MOXD1: variants seen among roughly 807,000 people sequenced by gnomAD.
MOXD1 encodes the protein DBH-like monooxygenase protein 1.
Under a neutral mutation model 66.6 loss-of-function variants are expected in MOXD1, and 62 were observed. That is an observed-to-expected ratio of 0.93 (90% CI 0.76 to 1.15). MOXD1 has a LOEUF of 1.15. MOXD1 is among the 50% of genes most tolerant of loss of function. The pLI, the probability that MOXD1 is intolerant of heterozygous loss-of-function variation, is 0.00. For synonymous variants in MOXD1, 303 were observed against 281.9 expected (o/e 1.07, Z -0.75); for missense variants, 847 against 754.6 (o/e 1.12, Z -1.44).
intron 10 of MOXD1, among the ~76,000 whole-genome samples, chr6:132,303,736 T>C (rs1395712680): frequency 1.5e-5 from 1 of 65,388 alleles, no homozygotes; most frequent in East Asian, 7.4e-4. Flanking sequence ...CACACACACA[T>C]TTATTTATAC....
intron 1 of MOXD1, among the ~76,000 whole-genome samples, chr6:132,394,741 A>G (rs1023915847): frequency 6.6e-6 from 1 of 152,174 alleles, no homozygotes; most frequent in African/African-American, 2.4e-5. Context: ...ACTTGAAGAG[A>G]GGTATTTTGA....
intron 8 of MOXD1, among the ~76,000 whole-genome samples, chr6:132,321,196 G>A (rs1285033643): frequency 1.3e-5 from 2 of 151,988 alleles, no homozygotes; most frequent in Non-Finnish European, 2.9e-5. Flanking sequence ...CCCAGGAGGT[G>A]GAGGTTGCAG....
intron 8 of MOXD1, among the ~76,000 whole-genome samples, chr6:132,322,273 T>A (rs1391290763): frequency 6.6e-6 from 1 of 152,208 alleles, no homozygotes; most frequent in Non-Finnish European, 1.5e-5. Context: ...CATTCCTTTT[T>A]ACTAAAATGA....
intron 10 of MOXD1, among the ~76,000 whole-genome samples, chr6:132,305,754 G>T (rs1774673735): frequency 6.6e-6 from 1 of 152,146 alleles, no homozygotes; most frequent in South Asian, 2.1e-4. Context: ...AAGTGCAGCA[G>T]CCCTACAGAA....
intron 4 of MOXD1, among the ~76,000 whole-genome samples, chr6:132,367,178 A>G (rs529773569): frequency 1.3e-5 from 2 of 152,132 alleles, no homozygotes; most frequent in East Asian, 3.9e-4. Flanking sequence ...AAATGAAGTG[A>G]TGGACAAACT....
At chr6:132,339,422 C>T (rs1017059221) in intron 4 of MOXD1, among the ~76,000 whole-genome samples, 4 of 152,276 alleles carry the variant, frequency 2.6e-5, no homozygotes, top group African/African-American at 9.6e-5. Flanking sequence ...ATGTGCTCTT[C>T]GTTAGGTGCT....
At chr6:132,374,433 A>C (rs1390257081) in intron 2 of MOXD1, among the ~76,000 whole-genome samples, 198 bp downstream of exon 2, 1 of 152,130 alleles carries the variant, frequency 6.6e-6, no homozygotes, top group African/African-American at 2.4e-5. Flanking sequence ...GATTTTATTG[A>C]AATTTTTGGT....
chr6:132,317,215 A>C (rs1774978542), intron 9 of MOXD1, among the ~76,000 whole-genome samples: 1 of 152,158 alleles, frequency 6.6e-6, no homozygotes, highest in South Asian at 2.1e-4. Context: ...TTCGAAAACA[A>C]AGGTGAAAAA....
chr6:132,349,729 A>G (rs1469927178), intron 4 of MOXD1, among the ~76,000 whole-genome samples: 1 of 151,860 alleles, frequency 6.6e-6, no homozygotes, highest in African/African-American at 2.4e-5. Context: ...ACTAGTTTAC[A>G]TTCCCACCAG....
chr6:132,359,493 T>TC (rs1775971278), intron 4 of MOXD1, among the ~76,000 whole-genome samples: 2 of 148,826 alleles, frequency 1.3e-5, no homozygotes, highest in East Asian at 1.9e-4. Flanking sequence ...TTTTTCTTTT[T>TC]TTTTTTTTTT....
intron 4 of MOXD1, among the ~76,000 whole-genome samples, chr6:132,333,062 C>A (rs1475070022): frequency 2.0e-5 from 3 of 152,106 alleles, no homozygotes; most frequent in African/African-American, 4.8e-5. Flanking sequence ...CTGGGCCGGG[C>A]GCTGTGGCTC....
chr6:132,347,660 G>C (rs1275036111), intron 4 of MOXD1, among the ~76,000 whole-genome samples: 2 of 142,872 alleles, frequency 1.4e-5, no homozygotes, highest in African/African-American at 2.7e-5. Context: ...CTGTGCGACA[G>C]AGTGTGATCC....
chr6:132,309,674 T>A (rs1774779557), intron 10 of MOXD1, among the ~76,000 whole-genome samples: 1 of 151,958 alleles, frequency 6.6e-6, no homozygotes, highest in African/African-American at 2.4e-5. Flanking sequence ...AAAACAGACA[T>A]GGAGCAGAAC....
chr6:132,366,219 C>A (rs939686621), intron 4 of MOXD1, among the ~76,000 whole-genome samples: 5 of 152,140 alleles, frequency 3.3e-5, no homozygotes, highest in African/African-American at 1.2e-4. Flanking sequence ...CAACATGAAT[C>A]TAGCTAAAAA....
In MOXD1 at chr6:132,315,739, G is replaced by A; in HGVS notation, c.1404C>T (p.Tyr468=). 6.2e-7 allele frequency: 1 copy of A among 1,613,396 alleles called. No homozygotes were observed. The highest frequency in any genetic ancestry group is 8.5e-7 in the Non-Finnish European group (1 of 1,179,550). Residue 468 remains tyrosine, a synonymous_variant, in exon 10 of 12, where the codon TAC becomes TAT. Coordinates refer to ENST00000367963, the MANE Select transcript of MOXD1 (RefSeq NM_015529.4). Reference sequence around the variant, plus strand: ...GATTAATTCTTGGGTAATAAAGAAGGTATGAGAGACACATTTCACTCCTGG... The same window carrying A: ...GATTAATTCTTGGGTAATAAAGAAGATATGAGAGACACATTTCACTCCTGG... ...LSTRSEMCLS[Y]LLYYPRINLT...
intron 4 of MOXD1, among the ~76,000 whole-genome samples, chr6:132,360,510 C>A (rs1232279241): frequency 6.6e-6 from 1 of 152,200 alleles, no homozygotes; most frequent in African/African-American, 2.4e-5. Flanking sequence ...ACCACTACTT[C>A]CACCTACCTA....
chr6:132,359,457 T>A (rs1775969981), intron 4 of MOXD1, among the ~76,000 whole-genome samples: 1 of 151,754 alleles, frequency 6.6e-6, no homozygotes, highest in Middle Eastern at 3.4e-3. Context: ...GAGAATATGA[T>A]ACAAATTGCC....
At chr6:132,310,590 C>G (rs983445878) in intron 10 of MOXD1, among the ~76,000 whole-genome samples, 1 of 152,062 alleles carries the variant, frequency 6.6e-6, no homozygotes, top group South Asian at 2.1e-4. Context: ...AGCCATGGAA[C>G]CAACCCAAAT....
chr6:132,346,869 G>T (rs150587747), intron 4 of MOXD1, among the ~76,000 whole-genome samples: 1 of 152,074 alleles, frequency 6.6e-6, no homozygotes, highest in East Asian at 1.9e-4. Context: ...CCCCATTATT[G>T]GCTTGAGTCT....
Sources: allele counts gnomAD v4.1 joint callset (sites outside exome capture counted in the v4.1 genomes callset), GRCh38; gene constraint gnomAD v4.1.1; transcripts MANE v1.5; gene names NCBI Gene and HGNC (gene_info 2026-07-23, HGNC 2026-07-21).